Variants in DPP6 observed in about 807,000 individuals in gnomAD.
DPP6 encodes A-type potassium channel modulatory protein DPP6.
A neutral mutation model predicts 122.6 loss-of-function variants in DPP6; 69 were observed. That is an observed-to-expected ratio of 0.56 (90% confidence interval 0.46 to 0.69). The LOEUF is 0.69. Ranked by LOEUF, DPP6 falls within the 30% of genes least tolerant of loss-of-function variation. DPP6 has a pLI of 0.00. For synonymous variants in DPP6, 418 were observed against 433.1 expected, an observed-to-expected ratio of 0.97 and a Z score of 0.43; for missense variants, 928 against 1,116.9, an observed-to-expected ratio of 0.83 and a Z score of 2.41.
chr7:154,413,161 C>T (rs1476411612), intron 1 of DPP6, among the ~76,000 whole-genome samples: 1 of 152,210 alleles, frequency 6.6e-6, no homozygotes, highest in Admixed American at 6.5e-5. Flanking sequence ...AGATTCAAGG[C>T]AGCTGCCCAC....
intron 5 of DPP6, among the ~76,000 whole-genome samples, chr7:154,580,212 CAT>C (rs1217084126): frequency 6.0e-5 from 9 of 150,976 alleles, no homozygotes; most frequent in Non-Finnish European, 1.0e-4. Context: ...CACACACACA[CAT>C]ACTCTCCCTC....
intron 3 of DPP6, among the ~76,000 whole-genome samples, chr7:154,524,892 A>C (rs541166079): frequency 6.6e-6 from 1 of 152,100 alleles, no homozygotes; most frequent in South Asian, 2.1e-4. Context: ...CTGGCCAGTA[A>C]GATATTTTAG....
At chr7:153,842,718 G>T in the DPP6 span, among the ~76,000 whole-genome samples, 4 of 152,122 alleles carry the variant, frequency 2.6e-5, no homozygotes, top group African/African-American at 9.6e-5. Flanking sequence ...TTGAAGTAAT[G>T]ATTTCTTCAC....
chr7:154,754,527 C>G (rs1410324765), intron 8 of DPP6, among the ~76,000 whole-genome samples: 2 of 152,102 alleles, frequency 1.3e-5, no homozygotes, highest in African/African-American at 4.8e-5. Context: ...AAAATGTAAA[C>G]TAAGGAAATT....
At chr7:154,824,477 C>T (rs1174750085) in intron 16 of DPP6, among the ~76,000 whole-genome samples, 3 of 152,138 alleles carry the variant, frequency 2.0e-5, no homozygotes, top group Non-Finnish European at 4.4e-5. Context: ...CAGGGTTTCA[C>T]CGTGTTGGCC....
chr7:154,509,686 A>G (rs1286313663), intron 3 of DPP6, among the ~76,000 whole-genome samples: 3 of 152,344 alleles, frequency 2.0e-5, no homozygotes, highest in African/African-American at 4.8e-5. Flanking sequence ...TAATGTTTGT[A>G]ATAATATTCA....
chr7:154,315,812 G>C (rs1356508912), intron 1 of DPP6, among the ~76,000 whole-genome samples: 1 of 152,154 alleles, frequency 6.6e-6, no homozygotes, highest in Non-Finnish European at 1.5e-5. Context: ...ATACATGACT[G>C]TGTCTTCCTC....
chr7:154,356,284 G>A lies in DPP6; in HGVS notation c.244-89930G>A, dbSNP rs1811260584. Among the ~76,000 whole-genome samples the A allele has an allele frequency of 2.6e-5, 4 of 152,070 alleles. No individual in the cohort carries two copies. In the South Asian group the frequency reaches 8.3e-4, roughly 32 times the overall value. ...TTATACAGTTTTGTAATTTTATTTG[G>A]ATGTTTATTTTTCCTGTTCTCACAG... On this transcript the variant is annotated intron_variant, in intron 1 of 25. Coordinates refer to ENST00000377770, the MANE Select transcript of DPP6 (RefSeq NM_130797.4).
At chr7:154,407,990 C>T (rs73726866) in intron 1 of DPP6, among the ~76,000 whole-genome samples, 1 of 152,130 alleles carries the variant, frequency 6.6e-6, no homozygotes, top group Non-Finnish European at 1.5e-5. Context: ...ATGTTGTTAT[C>T]ATGAGTTAAT....
rs184471179 is a variant in DPP6, at chr7:154,572,177, G to A, written c.627+5261G>A. On this transcript the variant is annotated intron_variant, in intron 5 of 25. Coordinates refer to ENST00000377770, the MANE Select transcript of DPP6 (RefSeq NM_130797.4). Reference sequence around the variant, plus strand: ...AAATTTCTACTATTTTCCTGCCATCGTGGTGAGTTGATAGAGCCCATTTTG... The same window carrying A: ...AAATTTCTACTATTTTCCTGCCATCATGGTGAGTTGATAGAGCCCATTTTG... 1.3e-3 allele frequency among the ~76,000 whole-genome samples: 198 copies of A among 152,220 alleles called. 1 individual carries two copies. The highest frequency in any genetic ancestry group is 4.1e-3 in the African/African-American group (172 of 41,538).
At chr7:154,645,361 G>A (rs777881552) in intron 6 of DPP6, among the ~76,000 whole-genome samples, 11 of 152,034 alleles carry the variant, frequency 7.2e-5, no homozygotes, top group Non-Finnish European at 1.0e-4. Context: ...CACTGCGCCC[G>A]GCCTGTTACT....
At chr7:154,222,973 T>G (rs1357455819) in intron 1 of DPP6, among the ~76,000 whole-genome samples, 1 of 149,152 alleles carries the variant, frequency 6.7e-6, no homozygotes, top group Non-Finnish European at 1.5e-5. Flanking sequence ...TAAATGTAAT[T>G]ATTGTTAAAA....
intron 5 of DPP6, among the ~76,000 whole-genome samples, chr7:154,595,706 C>T (rs983839658): frequency 6.6e-6 from 1 of 152,216 alleles, no homozygotes; most frequent in Non-Finnish European, 1.5e-5. Context: ...CAGGAATGGC[C>T]TTTATTTGCA....
At chr7:154,845,096 A>G (rs1055483681) in intron 16 of DPP6, among the ~76,000 whole-genome samples, 4 of 152,222 alleles carry the variant, frequency 2.6e-5, no homozygotes, top group African/African-American at 7.2e-5. Flanking sequence ...CCACCTTGAT[A>G]TGTCATAGCC....
intron 16 of DPP6, among the ~76,000 whole-genome samples, chr7:154,815,866 A>G (rs946125926): frequency 1.1e-4 from 16 of 152,226 alleles, no homozygotes; most frequent in African/African-American, 3.9e-4. Flanking sequence ...TGGTTTATCA[A>G]GACAGGCTTC....
intron 1 of DPP6, among the ~76,000 whole-genome samples, chr7:154,021,350 T>C (rs1007392766): frequency 1.5e-4 from 23 of 152,078 alleles, no homozygotes; most frequent in South Asian, 2.1e-4. Flanking sequence ...CCTGCAGCCA[T>C]ATGTAAGTTT....
intron 1 of DPP6, among the ~76,000 whole-genome samples, chr7:153,976,537 A>T (rs1245684688): frequency 2.0e-5 from 3 of 152,238 alleles, no homozygotes; most frequent in Non-Finnish European, 4.4e-5. Flanking sequence ...TGATAATGGA[A>T]AAATGTATTT....
chr7:154,787,504 G>T (rs58304361), intron 10 of DPP6, among the ~76,000 whole-genome samples: 1 of 152,056 alleles, frequency 6.6e-6, no homozygotes, highest in Non-Finnish European at 1.5e-5. Flanking sequence ...CCAGAAATAC[G>T]CTTATTATTA....
At chr7:154,045,372 A>C (rs1799969610) in intron 1 of DPP6, among the ~76,000 whole-genome samples, 1 of 152,222 alleles carries the variant, frequency 6.6e-6, no homozygotes, top group Non-Finnish European at 1.5e-5. Flanking sequence ...GCCGTGAAGA[A>C]AATTGCTCTA....
Sources: allele counts gnomAD v4.1 joint callset (sites outside exome capture counted in the v4.1 genomes callset), GRCh38; gene constraint gnomAD v4.1.1; transcripts MANE v1.5; gene names NCBI Gene and HGNC (gene_info 2026-07-23, HGNC 2026-07-21).